Variants in PPM1F observed in about 807,000 individuals in gnomAD.
PPM1F encodes the protein protein phosphatase 1F.
In PPM1F, 17 loss-of-function variants were observed where a neutral mutation model predicts 35.5. The observed-to-expected ratio is 0.48, with a 90% confidence interval of 0.33 to 0.72. The LOEUF (loss-of-function observed/expected upper bound fraction) is 0.72, where lower values mean the gene tolerates loss of function less well. Among genes scored for constraint, PPM1F ranks in the 30% least tolerant of loss-of-function variants. The probability of loss-of-function intolerance (pLI) is 0.02; values close to 1 mark genes in which losing one functional copy is unlikely to be tolerated. For missense variants in PPM1F, 521 were observed against 613.0 expected (o/e 0.85, Z 1.59); for synonymous variants, 241 against 255.5 (o/e 0.94, Z 0.54).
rs1199639149 is a variant in PPM1F, at chr22:21,922,773, G to C, written c.*319C>G. The C allele has an allele frequency of 1.7e-5, 5 of 302,482 alleles. No homozygotes were observed. Among genetic ancestry groups the C allele is most frequent in the Non-Finnish European group, 2.5e-5 (4 of 163,240 alleles). 18.7% of individuals were successfully genotyped at this position (302,482 alleles called of 1,614,324 possible). A position where few individuals can be genotyped will look rare whatever the true frequency, so the allele number is the denominator to read the frequency against. On this transcript the variant is annotated 3_prime_UTR_variant, in exon 8 of 8. Transcript: ENST00000263212. ...ACCATGCTGCCCCATGCACACCAGTGTCTTTGGTTTGGCTGCCGTTGGGCA... is the reference window on the plus strand; with the variant it reads ...ACCATGCTGCCCCATGCACACCAGTCTCTTTGGTTTGGCTGCCGTTGGGCA...
At chr22:21,929,876 T>C (rs2070567836) in intron 6 of PPM1F, among the ~76,000 whole-genome samples, 1 of 152,162 alleles carries the variant, frequency 6.6e-6, no homozygotes, top group Non-Finnish European at 1.5e-5. Flanking sequence ...CTGGTGTCTC[T>C]ATGTGCTTTC....
Position 21,939,459 on chromosome 22 carries a change from C to A in PPM1F, c.355+73G>T. 6.3e-7 allele frequency: 1 copy of A among 1,578,578 alleles called. No homozygotes were observed. Among genetic ancestry groups the A allele is most frequent in the Non-Finnish European group, 8.6e-7 (1 of 1,159,374 alleles). On this transcript the variant is annotated intron_variant, in intron 3 of 7. Coordinates refer to ENST00000263212, the MANE Select transcript of PPM1F (RefSeq NM_014634.4). The surrounding 1 kb of genome is among the most constrained non-coding windows in gnomAD (Gnocchi z 5.1). ...ACCCTTAGGGACCCCAATCAATGGGCTTCCCACAATGTCGTCACCCTTTGT... is the reference window on the plus strand; with the variant it reads ...ACCCTTAGGGACCCCAATCAATGGGATTCCCACAATGTCGTCACCCTTTGT...
chr22:21,923,002 C>T lies in PPM1F; in HGVS notation c.*90G>A, dbSNP rs977091668. On this transcript the variant is annotated 3_prime_UTR_variant, in exon 8 of 8. Coordinates refer to ENST00000263212, the MANE Select transcript of PPM1F (RefSeq NM_014634.4). ...AAGCACTGTGGGGCGGGCACCCTGT[C>T]CACTGCCTGCCACCTGTTGGGTCCT... The T allele has an allele frequency of 2.7e-5, 40 of 1,483,744 alleles. No homozygotes were observed. Among genetic ancestry groups the T allele is most frequent in the Non-Finnish European group, 3.4e-5 (38 of 1,105,316 alleles). 91.9% of individuals were successfully genotyped at this position (1,483,744 alleles called of 1,614,324 possible).
At chr22:21,937,627 G>A (rs2070674315) in intron 3 of PPM1F, 1 of 154,032 alleles carries the variant, frequency 6.5e-6, no homozygotes, top group South Asian at 1.9e-4. Flanking sequence ...AAATGCCATG[G>A]ACTCCTCCTC....
chr22:21,931,106 A>G, intron 6 of PPM1F, 42 bp downstream of exon 6: 1 of 1,608,856 alleles, frequency 6.2e-7, no homozygotes, highest in Non-Finnish European at 8.5e-7. Context: ...AGCATGATGG[A>G]GGCCAGGAAT....
At chr22:21,944,419 T>C (rs571944028) in intron 2 of PPM1F, 2 of 151,702 alleles carry the variant, frequency 1.3e-5, no homozygotes, top group African/African-American at 2.4e-5. Context: ...AGGAACAGAG[T>C]TGATTCGCTG....
intron 5 of PPM1F, among the ~76,000 whole-genome samples, chr22:21,932,973 C>A (rs918365306): frequency 6.6e-6 from 1 of 152,210 alleles, no homozygotes; most frequent in Non-Finnish European, 1.5e-5. Flanking sequence ...TCTCTCTGCG[C>A]CCCGACTACC....
At position 21,933,501 on chromosome 22, in the gene PPM1F, C is replaced by A. The variant is rs369868805; in HGVS notation, c.637G>T (p.Val213Leu). ...VDAARYAAVH[V>L]HTNAARQPEL... is the part of the protein sequence containing the mutation. Reference sequence around the variant, plus strand: ...GGCTGGCGGGCAGCGTTGGTGTGCACGTGGACAGCGGCGTACCTCGCAGCA... The same window carrying A: ...GGCTGGCGGGCAGCGTTGGTGTGCAAGTGGACAGCGGCGTACCTCGCAGCA... The change falls in exon 5 of 8, where the codon GTG becomes TTG. Residue 213 changes from valine (V) to leucine (L), a missense_variant. This residue lies in a region of PPM1F where 311 missense variants were observed against 351.5 expected (regional missense o/e 0.88). Coordinates refer to ENST00000263212, the MANE Select transcript of PPM1F (RefSeq NM_014634.4). 1 of 1,613,586 alleles carries A rather than the reference C, an allele frequency of 6.2e-7. No individual in the cohort carries two copies. The highest frequency in any genetic ancestry group is 8.5e-7 in the Non-Finnish European group (1 of 1,180,024).
chr22:21,946,400 G>A lies in PPM1F; in HGVS notation c.-60-292C>T, dbSNP rs574735725. The A allele has an allele frequency of 7.6e-5, 15 of 198,508 alleles. No individual in the cohort carries two copies. The East Asian group carries it at 1.1e-3, about 15-fold the overall frequency. 12.3% of individuals were successfully genotyped at this position (198,508 alleles called of 1,614,324 possible). On this transcript the variant is annotated intron_variant, in intron 1 of 7. Coordinates refer to ENST00000263212, the MANE Select transcript of PPM1F (RefSeq NM_014634.4). ...GAGGGTGGCCAGCGTGGCCAGAGACGAGCAGGACAGGGATGCCGAGGCCAG... is the reference window on the plus strand; with the variant it reads ...GAGGGTGGCCAGCGTGGCCAGAGACAAGCAGGACAGGGATGCCGAGGCCAG...
chr22:21,929,465 C>T (rs977560377), intron 6 of PPM1F, among the ~76,000 whole-genome samples: 1 of 152,240 alleles, frequency 6.6e-6, no homozygotes, highest in African/African-American at 2.4e-5. Flanking sequence ...GGCCATCTGT[C>T]CATGCTCTGC....
Position 21,946,044 on chromosome 22 carries a change from G to T in PPM1F, c.5C>A (p.Ser2Tyr). 1.3e-6 allele frequency: 2 copies of T among 1,529,710 alleles called. No homozygotes were observed. The highest frequency in any genetic ancestry group is 1.3e-5 in the South Asian group (1 of 79,418). 94.8% of individuals were successfully genotyped at this position (1,529,710 alleles called of 1,614,324 possible). A position where few individuals can be genotyped will look rare whatever the true frequency, so the allele number is the denominator to read the frequency against. Residue 2 changes from serine (S) to tyrosine (Y), a missense_variant, in exon 2 of 8, where the codon TCC (serine) becomes TAC (tyrosine). By Grantham distance (144) the Ser-to-Tyr change is moderately radical. Around this residue, in one of 3 missense-constraint regions of PPM1F, gnomAD observed 311 missense variants for 351.5 expected, o/e 0.88. Coordinates refer to ENST00000263212, the MANE Select transcript of PPM1F (RefSeq NM_014634.4). M[S>Y]SGAPQKSSPM... Reference sequence around the variant, plus strand: ...GCTGCTCTTCTGTGGGGCTCCAGAGGACATGCCCAAAGCATCCCGGGGGCC... The same window carrying T: ...GCTGCTCTTCTGTGGGGCTCCAGAGTACATGCCCAAAGCATCCCGGGGGCC...
intron 6 of PPM1F, among the ~76,000 whole-genome samples, chr22:21,927,937 G>GTTTTTTTTTTTTTTTTTTT (rs1392008034): frequency 4.4e-5 from 3 of 68,106 alleles, no homozygotes; most frequent in East Asian, 6.1e-4. Context: ...TCTGTTTTTT[G>GTTTTTTTTTTTTTTTTTTT]TTTTGTTTTT....
Position 21,922,819 on chromosome 22 carries a change from C to G in PPM1F, c.*273G>C, listed in dbSNP as rs2070461959. The G allele has an allele frequency of 2.2e-6, 1 of 448,510 alleles. No homozygotes were observed. The highest frequency in any genetic ancestry group is 4.0e-6 in the Non-Finnish European group (1 of 251,682). The allele number at this position is 448,510 out of a possible 1,614,324, so 27.8% of individuals were successfully genotyped here. A position where few individuals can be genotyped will look rare whatever the true frequency, so the allele number is the denominator to read the frequency against. On this transcript the variant is annotated 3_prime_UTR_variant, in exon 8 of 8. Coordinates refer to ENST00000263212, the MANE Select transcript of PPM1F (RefSeq NM_014634.4). ...GGGCACCTATGACCTCTGGTCCCAC[C>G]CCGGGCCTAATAGGAGCTGGGAGCA...
rs925745809 is a variant in PPM1F, at chr22:21,922,790, C to T, written c.*302G>A. 3.0e-5 allele frequency: 10 copies of T among 333,144 alleles called. No homozygotes were observed. The highest frequency in any genetic ancestry group is 4.4e-5 in the Non-Finnish European group (8 of 182,714). The allele number at this position is 333,144 out of a possible 1,614,324, so 20.6% of individuals were successfully genotyped here. ...ACACCAGTGTCTTTGGTTTGGCTGC[C>T]GTTGGGCACCTATGACCTCTGGTCC... is the stretch of plus-strand genomic sequence containing the variant. On this transcript the variant is annotated 3_prime_UTR_variant, in exon 8 of 8. Coordinates refer to ENST00000263212, the MANE Select transcript of PPM1F (RefSeq NM_014634.4).
chr22:21,925,550 C>G lies in PPM1F; in HGVS notation c.985+19G>C, dbSNP rs764813502. On this transcript the variant is annotated intron_variant, in intron 7 of 7. Coordinates refer to ENST00000263212, the MANE Select transcript of PPM1F (RefSeq NM_014634.4). ...CCGAGAGACCTTCTCCCACTTGGGTCGGCCTCTTTGGCTCTCACCGATGGC... is the reference window on the plus strand; with the variant it reads ...CCGAGAGACCTTCTCCCACTTGGGTGGGCCTCTTTGGCTCTCACCGATGGC... The G allele has an allele frequency of 1.2e-6, 2 of 1,610,786 alleles. No homozygotes were observed. The highest frequency in any genetic ancestry group is 1.7e-5 in the Admixed American group (1 of 59,966).
In PPM1F at chr22:21,939,525, A is replaced by T; in HGVS notation, c.355+7T>A. On this transcript the variant is annotated splice_region_variant and intron_variant, in intron 3 of 7. Coordinates refer to ENST00000263212, the MANE Select transcript of PPM1F (RefSeq NM_014634.4). The surrounding 1 kb of genome is among the most constrained non-coding windows in gnomAD (Gnocchi z 5.1). ...CCTGGGGCCACCTCAGAAGAAACAGAACTCACAGGTCACAGGGGCCTTTTC... is the reference window on the plus strand; with the variant it reads ...CCTGGGGCCACCTCAGAAGAAACAGTACTCACAGGTCACAGGGGCCTTTTC... 6.2e-7 allele frequency: 1 copy of T among 1,603,176 alleles called. No individual in the cohort carries two copies. The highest frequency in any genetic ancestry group is 8.5e-7 in the Non-Finnish European group (1 of 1,174,152).
Position 21,934,134 on chromosome 22 carries a change from C to A in PPM1F, c.448G>T (p.Ala150Ser). ...WQKQVPLAARASQRQWLVSIH... is the reference protein window; with the variant it reads ...WQKQVPLAARSSQRQWLVSIH... ...GAGACCAGCCACTGCCGCTGTGAGG[C>A]CCGGGCAGCCAATGGCACCTGCTTC... Residue 150 changes from alanine to serine, a missense_variant, in exon 4 of 8, where the codon GCC becomes TCC. Ala to Ser is a moderately conservative substitution (Grantham distance 99). This residue lies in a region of PPM1F where 311 missense variants were observed against 351.5 expected (regional missense o/e 0.88). Coordinates refer to ENST00000263212, the MANE Select transcript of PPM1F (RefSeq NM_014634.4). The A allele has an allele frequency of 2.5e-6, 4 of 1,572,836 alleles. No homozygotes were observed. The South Asian group carries it at 4.7e-5, about 18-fold the overall frequency.
intron 5 of PPM1F, among the ~76,000 whole-genome samples, chr22:21,932,328 C>T (rs1402273274): frequency 6.6e-6 from 1 of 152,208 alleles, no homozygotes; most frequent in African/African-American, 2.4e-5. Flanking sequence ...AGGCCTTTGT[C>T]ACTTCCTGGG....
chr22:21,927,362 C>T (rs1410527782), intron 6 of PPM1F, among the ~76,000 whole-genome samples: 1 of 152,260 alleles, frequency 6.6e-6, no homozygotes, highest in Non-Finnish European at 1.5e-5. Flanking sequence ...GAAGCAGCGC[C>T]TCCTCCCCTG....
Sources: gnomAD v4.1 joint callset for allele counts (sites outside exome capture counted in the v4.1 genomes callset) on GRCh38, gnomAD v4.1.1 for gene constraint, gnomAD v4.1.1 regional missense constraint, Gnocchi (gnomAD v3.1) non-coding constraint, MANE v1.5 for transcripts, NCBI Gene and HGNC (gene_info 2026-07-23, HGNC 2026-07-21) for gene names.